The following ERC1 variants were observed in gnomAD, a reference collection of about 807,000 sequenced individuals.
The protein encoded by ERC1 is RAB6 interacting protein 2.
A neutral mutation model predicts 132.0 loss-of-function variants in ERC1; 56 were observed. That is an observed-to-expected ratio of 0.42 (90% CI 0.34 to 0.53). ERC1 has a LOEUF of 0.53. ERC1 is among the 20% of genes least tolerant of loss of function. The pLI, the probability that ERC1 is intolerant of heterozygous loss-of-function variation, is 0.03. For synonymous variants in ERC1, 478 were observed against 476.1 expected, an observed-to-expected ratio of 1.00 and a Z score of -0.05; for missense variants, 1,202 against 1,349.9, an observed-to-expected ratio of 0.89 and a Z score of 1.72.
At chr12:1,279,801 T>A (rs111523742) in intron 14 of ERC1, among the ~76,000 whole-genome samples, 14 of 152,200 alleles carry the variant, frequency 9.2e-5, no homozygotes, top group African/African-American at 3.4e-4. Context: ...GTTCAAGCAA[T>A]TCTTCTGCCT....
intron 17 of ERC1, among the ~76,000 whole-genome samples, chr12:1,423,662 A>G (rs538681665): frequency 6.6e-6 from 1 of 152,324 alleles, no homozygotes; most frequent in African/African-American, 2.4e-5. Context: ...TGTTAATTGC[A>G]GAGAAAGAAG....
At chr12:1,281,331 CA>C (rs1435296153) in intron 14 of ERC1, among the ~76,000 whole-genome samples, 9 of 147,022 alleles carry the variant, frequency 6.1e-5, no homozygotes, top group East Asian at 2.0e-4. Context: ...CCTAGCAAAG[CA>C]AAAAAAAAAT....
intron 18 of ERC1, among the ~76,000 whole-genome samples, chr12:1,470,574 G>C (rs2093840987): frequency 6.6e-6 from 1 of 151,924 alleles, no homozygotes; most frequent in Non-Finnish European, 1.5e-5. Context: ...CTGCTGCTCT[G>C]ATGGGTCCCT....
chr12:1,428,471 C>T (rs2092701564), intron 17 of ERC1, among the ~76,000 whole-genome samples: 1 of 152,136 alleles, frequency 6.6e-6, no homozygotes, highest in South Asian at 2.1e-4. Flanking sequence ...GATCTTAGCT[C>T]CAGTAAATAC....
intron 13 of ERC1, among the ~76,000 whole-genome samples, chr12:1,258,510 G>A (rs148255632): frequency 7.6e-4 from 115 of 152,292 alleles, no homozygotes; most frequent in African/African-American, 2.5e-3. Context: ...CAGAGCAGAA[G>A]TATGTGAAGT....
At chr12:1,017,746 G>A (rs926912115) in intron 1 of ERC1, among the ~76,000 whole-genome samples, 12 of 152,020 alleles carry the variant, frequency 7.9e-5, no homozygotes, top group African/African-American at 2.4e-4. Context: ...TGATCTGCCC[G>A]CCTCAGCCTC....
chr12:1,444,643 G>A lies in ERC1; in HGVS notation c.3106G>A (p.Asp1036Asn), dbSNP rs1479958247. The change falls in exon 18 of 19, where the codon GAC becomes AAC. Residue 1036 changes from aspartate to asparagine, a missense_variant. Physicochemically the swap from Asp to Asn is conservative, Grantham distance 23. Coordinates refer to ENST00000360905, the MANE Select transcript of ERC1 (RefSeq NM_178040.4). ...YIGHLTTLCH[D>N]RDPLILRGLT... ...TGGACACCTGACAACCCTCTGCCAT[G>A]ACCGAGACCCCCTGATCCTCCGTGG... 2.5e-6 allele frequency: 4 copies of A among 1,614,064 alleles called. No individual in the cohort carries two copies. Among genetic ancestry groups the A allele is most frequent in the Non-Finnish European group, 2.5e-6 (3 of 1,179,980 alleles).
At chr12:1,097,805 C>G (rs1277561645) in intron 3 of ERC1, among the ~76,000 whole-genome samples, 3 of 151,788 alleles carry the variant, frequency 2.0e-5, no homozygotes, top group Non-Finnish European at 2.9e-5. Context: ...ACCTCTGCCC[C>G]CCAGGTTCAA....
intron 2 of ERC1, among the ~76,000 whole-genome samples, chr12:1,054,352 T>G (rs12812965): frequency 0.19 from 28,368 of 152,100 alleles, 3,357 homozygotes; most frequent in Non-Finnish European, 0.25. Context: ...CAATTGCCCT[T>G]GTTTAGGAAC....
intron 14 of ERC1, among the ~76,000 whole-genome samples, chr12:1,264,504 A>C (rs2077352766): frequency 6.6e-6 from 1 of 152,164 alleles, no homozygotes; most frequent in South Asian, 2.1e-4. Context: ...CTCTACTAAA[A>C]ATACAAAAAA....
chr12:1,039,569 C>A (rs1281140698), intron 2 of ERC1, among the ~76,000 whole-genome samples: 1 of 151,180 alleles, frequency 6.6e-6, no homozygotes, highest in Non-Finnish European at 1.5e-5. Context: ...ATATAGACGG[C>A]AAGAGAGAAG....
At chr12:1,419,127 G>T (rs747929910) in intron 17 of ERC1, among the ~76,000 whole-genome samples, 82 of 151,996 alleles carry the variant, frequency 5.4e-4, no homozygotes, top group Middle Eastern at 3.4e-3. Flanking sequence ...ACCTAGCAGT[G>T]GATGAAAAAA....
Position 1,017,538 on chromosome 12 carries a change from C to T in ERC1, c.-156-10210C>T, listed in dbSNP as rs141292007. 5.6e-3 allele frequency among the ~76,000 whole-genome samples: 813 copies of T among 145,070 alleles called. 2 individuals are homozygous for T. The highest frequency in any genetic ancestry group is 0.018 in the African/African-American group (724 of 39,518). ...TTTGAGACGGTGTCTTGCTCTGTCACCTAGGCTTGGAGTACAGTGGCACAG... is the reference window on the plus strand; with the variant it reads ...TTTGAGACGGTGTCTTGCTCTGTCATCTAGGCTTGGAGTACAGTGGCACAG... On this transcript the variant is annotated intron_variant, in intron 1 of 18. Transcript: ENST00000360905.
chr12:1,352,089 G>A (rs1182190957), intron 15 of ERC1, among the ~76,000 whole-genome samples: 2 of 152,082 alleles, frequency 1.3e-5, no homozygotes, highest in Non-Finnish European at 2.9e-5. Context: ...AGAGTTTCAA[G>A]AGTCACCAGG....
rs2093018831 is a variant in ERC1, at chr12:1,438,912, A to T, written c.3025-5650A>T. Among the ~76,000 whole-genome samples the T allele has an allele frequency of 2.6e-5, 4 of 151,464 alleles. No individual in the cohort carries two copies. In the South Asian group the frequency reaches 8.3e-4, roughly 31 times the overall value. ...AGCTGTGATTGCATCACTGCACTCC[A>T]GTCTGGGTGACAAAGCGAGACCTTG... On this transcript the variant is annotated intron_variant, in intron 17 of 18. Coordinates refer to ENST00000360905, the MANE Select transcript of ERC1 (RefSeq NM_178040.4).
chr12:1,195,053 G>A (rs1288956744), intron 12 of ERC1, among the ~76,000 whole-genome samples: 1 of 151,894 alleles, frequency 6.6e-6, no homozygotes, highest in Non-Finnish European at 1.5e-5. Context: ...TATGAGCAGC[G>A]ATTTGAAGGA....
At chr12:1,473,629 C>CA (rs34619342) in intron 18 of ERC1, among the ~76,000 whole-genome samples, 10,442 of 92,522 alleles carry the variant, frequency 0.11, 588 homozygotes, top group East Asian at 0.25. Context: ...GACTCTATCT[C>CA]AAAAAAAAAA....
intron 2 of ERC1, among the ~76,000 whole-genome samples, chr12:1,033,845 G>A (rs573895417): frequency 6.6e-6 from 1 of 152,062 alleles, no homozygotes; most frequent in Non-Finnish European, 1.5e-5. Flanking sequence ...GGCCAGGCTG[G>A]TCTCGAACTC....
chr12:1,459,647 A>G lies in ERC1; in HGVS notation c.3213+14897A>G, dbSNP rs569135295. Among the ~76,000 whole-genome samples, 8 of 152,370 alleles carry G rather than the reference A, an allele frequency of 5.3e-5. No homozygotes were observed. The South Asian group carries it at 1.0e-3, about 20-fold the overall frequency. On this transcript the variant is annotated intron_variant, in intron 18 of 18. Transcript: ENST00000360905. ...CAATGAATGTGAAAACACCAGGTGA[A>G]GGTTGACTAAGAACAGACTATTTGC...
Sources: gnomAD v4.1 joint callset for allele counts (sites outside exome capture counted in the v4.1 genomes callset) on GRCh38, gnomAD v4.1.1 for gene constraint, MANE v1.5 for transcripts, NCBI Gene and HGNC (gene_info 2026-07-23, HGNC 2026-07-21) for gene names.